The following COX6B1 variants were observed in gnomAD, a reference collection of about 807,000 sequenced individuals.
COX6B1 encodes COX VIb-1.
A neutral mutation model predicts 14.0 loss-of-function variants in COX6B1; 2 were observed. The observed-to-expected ratio is 0.14, with a 90% CI of 0.06 to 0.45. The LOEUF is 0.45. Ranked by LOEUF, COX6B1 falls within the 20% of genes least tolerant of loss-of-function variation. The pLI, the probability that COX6B1 is intolerant of heterozygous loss-of-function variation, is 0.98. For missense variants in COX6B1, 81 were observed against 114.2 expected (o/e 0.71, Z 1.33); for synonymous variants, 30 against 39.7 (o/e 0.76, Z 0.92).
intron 3 of COX6B1, among the ~76,000 whole-genome samples, chr19:35,655,755 GTCTCTCTCTCTC>G (rs3038413): frequency 5.5e-5 from 8 of 146,050 alleles, no homozygotes; most frequent in East Asian, 2.0e-4. Context: ...CACTGTGCCT[GTCTCTCTCTCTC>G]TCTCTCTCTC....
intron 3 of COX6B1, among the ~76,000 whole-genome samples, chr19:35,657,517 C>T (rs905979007): frequency 6.6e-6 from 1 of 151,968 alleles, no homozygotes; most frequent in African/African-American, 2.4e-5. Context: ...GGGACCCCTG[C>T]CTTATAGCAT....
chr19:35,656,549 C>T (rs1463542092), intron 3 of COX6B1, among the ~76,000 whole-genome samples: 1 of 146,594 alleles, frequency 6.8e-6, no homozygotes, highest in Non-Finnish European at 1.5e-5. Flanking sequence ...GGTGCAATCT[C>T]AGCTCACTGC....
At position 35,651,274 on chromosome 19, in the gene COX6B1, A is replaced by G. The variant is rs754212892; in HGVS notation, c.31A>G (p.Asn11Asp). Residue 11 changes from asparagine (N) to aspartate (D), a missense_variant, in exon 2 of 4, where the codon AAC becomes GAC. Asn to Asp is a conservative substitution (Grantham distance 23). Coordinates refer to ENST00000649813, the MANE Select transcript of COX6B1 (RefSeq NM_001863.5). MAEDMETKIK[N>D]YKTAPFDSRF... ...GGAAGACATGGAGACCAAAATCAAG[A>G]ACTACAAGACCGCCCCTTTTGACAG... 1.9e-5 allele frequency: 30 copies of G among 1,614,002 alleles called. No homozygotes were observed. Among genetic ancestry groups the G allele is most frequent in the Non-Finnish European group, 2.5e-5 (30 of 1,179,982 alleles).
At chr19:35,653,782 G>A (rs902289340) in intron 2 of COX6B1, among the ~76,000 whole-genome samples, 6 of 143,766 alleles carry the variant, frequency 4.2e-5, no homozygotes, top group African/African-American at 1.0e-4. Flanking sequence ...GGGTTTCACC[G>A]TGGTCTCTAT....
chr19:35,655,755 G>GTC (rs3038413), intron 3 of COX6B1, among the ~76,000 whole-genome samples: 5,359 of 145,990 alleles, frequency 0.037, 185 homozygotes, highest in East Asian at 0.17. Flanking sequence ...CACTGTGCCT[G>GTC]TCTCTCTCTC....
At chr19:35,658,516 G>A (rs975955484) in intron 3 of COX6B1, 78 bp from the exon 4 acceptor site, 1 of 1,326,892 alleles carries the variant, frequency 7.5e-7, no homozygotes, top group Non-Finnish European at 1.1e-6. Flanking sequence ...GAACAAACAG[G>A]TGGGCAAAGT....
intron 2 of COX6B1, 79 bp downstream of exon 2, chr19:35,651,428 C>T (rs1967823660): frequency 1.9e-6 from 2 of 1,037,904 alleles, no homozygotes; most frequent in Non-Finnish European, 3.0e-6. Flanking sequence ...TCCACCCCAG[C>T]CTCCTCCCTT....
chr19:35,649,129 A>G (rs1290847081), intron 1 of COX6B1, among the ~76,000 whole-genome samples: 1 of 152,126 alleles, frequency 6.6e-6, no homozygotes. Context: ...TCACTTCTTC[A>G]GAGACATTAT....
chr19:35,649,628 G>A (rs1040768722), intron 1 of COX6B1, among the ~76,000 whole-genome samples: 5 of 151,920 alleles, frequency 3.3e-5, no homozygotes, highest in South Asian at 2.1e-4. Flanking sequence ...ACAGGTGCAC[G>A]CCACCATGCC....
At chr19:35,650,107 G>A (rs762943820) in intron 1 of COX6B1, among the ~76,000 whole-genome samples, 10 of 151,652 alleles carry the variant, frequency 6.6e-5, no homozygotes, top group Non-Finnish European at 1.0e-4. Flanking sequence ...GGGTTTAAGC[G>A]ATTCTTTTGC....
In COX6B1 at chr19:35,651,159, C is replaced by A. The variant is rs1040198275; in HGVS notation, c.-11-74C>A. 9.5e-5 allele frequency: 84 copies of A among 881,524 alleles called. No homozygotes were observed. In the African/African-American group the frequency reaches 1.2e-3, roughly 12 times the overall value. The allele number at this position is 881,524 out of a possible 1,614,324, so 54.6% of individuals were successfully genotyped here. A position where few individuals can be genotyped will look rare whatever the true frequency, so the allele number is the denominator to read the frequency against. Reference sequence around the variant, plus strand: ...CCCATTGTTCCGTGCCTGCCCTCTTCCATTGATCCTGGGTAGTCTGGCTTG... The same window carrying A: ...CCCATTGTTCCGTGCCTGCCCTCTTACATTGATCCTGGGTAGTCTGGCTTG... On this transcript the variant is annotated intron_variant, in intron 1 of 3. Transcript: ENST00000649813.
intron 3 of COX6B1, 97 bp from the exon 4 acceptor site, chr19:35,658,497 A>C: frequency 9.6e-7 from 1 of 1,039,524 alleles, no homozygotes; most frequent in East Asian, 2.5e-5. Flanking sequence ...GTACCTGTGG[A>C]TATTGGTTGA....
chr19:35,651,105 T>C (rs746982027), intron 1 of COX6B1, 128 bp from the exon 2 acceptor site: 5 of 706,670 alleles, frequency 7.1e-6, no homozygotes, highest in African/African-American at 7.0e-5. Context: ...TCTGTGTATG[T>C]TGAGAGGCAG....
chr19:35,651,257 T>C lies in COX6B1; in HGVS notation c.14T>C (p.Met5Thr). The C allele has an allele frequency of 1.2e-6, 2 of 1,613,932 alleles. No individual in the cohort carries two copies. The highest frequency in any genetic ancestry group is 1.7e-6 in the Non-Finnish European group (2 of 1,179,884). The change falls in exon 2 of 4, where the codon ATG becomes ACG. Residue 5 changes from methionine to threonine, a missense_variant. Physicochemically the swap from Met to Thr is moderately conservative, Grantham distance 81. Coordinates refer to ENST00000649813, the MANE Select transcript of COX6B1 (RefSeq NM_001863.5). MAEDMETKIKNYKTA... is the reference protein window; with the variant it reads MAEDTETKIKNYKTA... ...GGATTCAGCACCATGGCGGAAGACATGGAGACCAAAATCAAGAACTACAAG... is the reference window on the plus strand; with the variant it reads ...GGATTCAGCACCATGGCGGAAGACACGGAGACCAAAATCAAGAACTACAAG...
Position 35,658,657 on chromosome 19 carries a change from A to G in COX6B1, c.*10A>G. 2 of 1,613,420 alleles carry G rather than the reference A, an allele frequency of 1.2e-6. No homozygotes were observed. Among genetic ancestry groups the G allele is most frequent in the Non-Finnish European group, 1.7e-6 (2 of 1,179,462 alleles). ...TCCCGGGAAGATCTGAACTGGCTGC[A>G]TCTCCCTTTCCTCTGTCCTCCATCC... On this transcript the variant is annotated 3_prime_UTR_variant, in exon 4 of 4. Transcript: ENST00000649813.
In COX6B1 at chr19:35,651,301, C is replaced by T. The variant is rs778740017; in HGVS notation, c.58C>T (p.Arg20Cys). 1 of 1,614,068 alleles carries T rather than the reference C, an allele frequency of 6.2e-7. No homozygotes were observed. The highest frequency in any genetic ancestry group is 1.1e-5 in the South Asian group (1 of 91,078). Residue 20 changes from arginine (R) to cysteine (C), a missense_variant, in exon 2 of 4, where the codon CGC becomes TGC. Arg to Cys is a radical substitution (Grantham distance 180). Coordinates refer to ENST00000649813, the MANE Select transcript of COX6B1 (RefSeq NM_001863.5). ...CTACAAGACCGCCCCTTTTGACAGCCGCTTCCCCAACCAGAACCAGACTAG... is the reference window on the plus strand; with the variant it reads ...CTACAAGACCGCCCCTTTTGACAGCTGCTTCCCCAACCAGAACCAGACTAG... ...KNYKTAPFDS[R>C]FPNQNQTRNC...
intron 3 of COX6B1, among the ~76,000 whole-genome samples, chr19:35,658,208 G>A (rs993415545): frequency 6.6e-6 from 1 of 152,108 alleles, no homozygotes; most frequent in Non-Finnish European, 1.5e-5. Flanking sequence ...ATTCATGCCA[G>A]AACATAAATC....
rs531007922 is a variant in COX6B1 at position 35,653,820 on chromosome 19, G to A, written c.107-751G>A. Among the ~76,000 whole-genome samples, 43 of 152,024 alleles carry A rather than the reference G, an allele frequency of 2.8e-4. No homozygotes were observed. The East Asian group carries it at 4.9e-3, about 17-fold the overall frequency. On this transcript the variant is annotated intron_variant, in intron 2 of 3. Transcript: ENST00000649813. ...CCTGACCTCGTGATCTGCCTGCCTCGGCCTCCCAAAGTGCTGGGATTACAG... is the reference window on the plus strand; with the variant it reads ...CCTGACCTCGTGATCTGCCTGCCTCAGCCTCCCAAAGTGCTGGGATTACAG...
intron 1 of COX6B1, among the ~76,000 whole-genome samples, chr19:35,650,381 A>T (rs1967811776): frequency 6.6e-6 from 1 of 152,062 alleles, no homozygotes. Flanking sequence ...TTTTCACTTC[A>T]TGTACTCATG....
Sources: gnomAD v4.1 joint callset for allele counts (sites outside exome capture counted in the v4.1 genomes callset) on GRCh38, gnomAD v4.1.1 for gene constraint, MANE v1.5 for transcripts, NCBI Gene and HGNC (gene_info 2026-07-23, HGNC 2026-07-21) for gene names.